ANO10: variants seen among roughly 807,000 people sequenced by gnomAD.
ANO10 encodes the protein anoctamin 10.
A neutral mutation model predicts 74.7 loss-of-function variants in ANO10; 77 were observed. That is an observed-to-expected ratio of 1.03 (90% CI 0.86 to 1.25). The LOEUF (loss-of-function observed/expected upper bound fraction) is 1.25. ANO10 is among the 50% of genes most tolerant of loss of function. The probability of loss-of-function intolerance (pLI) is 0.00; values close to 1 mark genes in which losing one functional copy is unlikely to be tolerated. For synonymous variants in ANO10, 279 were observed against 284.9 expected, an observed-to-expected ratio of 0.98 and a Z score of 0.21; for missense variants, 721 against 778.1, an observed-to-expected ratio of 0.93 and a Z score of 0.87.
chr3:43,608,788 C>T (rs1186634089), intron 1 of ANO10, among the ~76,000 whole-genome samples: 1 of 152,048 alleles, frequency 6.6e-6, no homozygotes, highest in Non-Finnish European at 1.5e-5. Context: ...CCTATGTTGT[C>T]CAGGCTGGTC....
chr3:43,688,155 CTTTTT>C (rs112966065), intron 1 of ANO10, among the ~76,000 whole-genome samples: 1 of 152,242 alleles, frequency 6.6e-6, no homozygotes, highest in East Asian at 1.9e-4. Flanking sequence ...CTCTTTCTCT[CTTTTT>C]TTCTTTCTTT....
chr3:43,653,928 T>G (rs750732693), intron 1 of ANO10, among the ~76,000 whole-genome samples: 11 of 15,428 alleles, frequency 7.1e-4, no homozygotes, highest in Non-Finnish European at 1.0e-3. Flanking sequence ...TTTGCTGGGG[T>G]TTTTTTTTTT....
At chr3:43,662,587 C>CA (rs1274347694) in intron 1 of ANO10, among the ~76,000 whole-genome samples, 1 of 151,032 alleles carries the variant, frequency 6.6e-6, no homozygotes, top group African/African-American at 2.4e-5. Context: ...GATAGAGACA[C>CA]AAAAAAATAA....
intron 10 of ANO10, among the ~76,000 whole-genome samples, chr3:43,552,929 G>A (rs2149319030): frequency 6.6e-6 from 1 of 152,070 alleles, no homozygotes; most frequent in Admixed American, 6.5e-5. Context: ...AAGTAGCTGG[G>A]ATTATGGGCA....
At chr3:43,628,527 G>A (rs2083514062) in intron 1 of ANO10, among the ~76,000 whole-genome samples, 1 of 152,136 alleles carries the variant, frequency 6.6e-6, no homozygotes, top group Admixed American at 6.6e-5. Flanking sequence ...AAAAGAACAG[G>A]ATAACAGCAA....
chr3:43,624,241 T>C (rs764769533), upstream of ANO10, among the ~76,000 whole-genome samples: 4 of 152,280 alleles, frequency 2.6e-5, no homozygotes, highest in South Asian at 2.1e-4. Context: ...TACTGAACCC[T>C]GTATATATTA....
Position 43,366,642 on chromosome 3 carries a change from T to C in ANO10, c.*264A>G, listed in dbSNP as rs1051530147. Reference sequence around the variant, plus strand: ...GGGCGGCAGTGGCTCTGCAGCAAAGTTGGCAGCTGGAGCAGCGTGTGGGGC... The same window carrying C: ...GGGCGGCAGTGGCTCTGCAGCAAAGCTGGCAGCTGGAGCAGCGTGTGGGGC... On this transcript the variant is annotated 3_prime_UTR_variant, in exon 13 of 13. Transcript: ENST00000292246. The C allele has an allele frequency of 9.2e-5, 51 of 551,506 alleles. No individual in the cohort carries two copies. The highest frequency in any genetic ancestry group is 3.4e-4 in the South Asian group (17 of 50,288). The allele number at this position is 551,506 out of a possible 1,614,324, so 34.2% of individuals were successfully genotyped here. A position where few individuals can be genotyped will look rare whatever the true frequency, so the allele number is the denominator to read the frequency against.
At chr3:43,528,145 C>T (rs1379628336) in intron 11 of ANO10, among the ~76,000 whole-genome samples, 1 of 151,882 alleles carries the variant, frequency 6.6e-6, no homozygotes, top group Non-Finnish European at 1.5e-5. Flanking sequence ...CCCAAAAACT[C>T]CTTATTCTTT....
At chr3:43,479,770 C>T (rs1339532059) in intron 11 of ANO10, among the ~76,000 whole-genome samples, 1 of 152,158 alleles carries the variant, frequency 6.6e-6, no homozygotes, top group Non-Finnish European at 1.5e-5. Context: ...CCTTGGAGAA[C>T]CCCAGGAGAT....
intron 1 of ANO10, among the ~76,000 whole-genome samples, chr3:43,664,978 G>A (rs540308993): frequency 5.9e-5 from 9 of 152,056 alleles, no homozygotes; most frequent in Non-Finnish European, 1.0e-4. Flanking sequence ...AATTCCTCAC[G>A]GATCTAAAAC....
At chr3:43,463,392 T>C (rs1288319022) in intron 11 of ANO10, among the ~76,000 whole-genome samples, 1 of 152,154 alleles carries the variant, frequency 6.6e-6, no homozygotes, top group Non-Finnish European at 1.5e-5. Context: ...CATTTATAAT[T>C]AAAGCTTAAA....
At chr3:43,575,802 T>C (rs2080966707) in intron 6 of ANO10, among the ~76,000 whole-genome samples, 1 of 152,060 alleles carries the variant, frequency 6.6e-6, no homozygotes. Context: ...CACGCCCAGC[T>C]AAATTTTTTT....
At chr3:43,556,388 G>A (rs1167386525) in intron 9 of ANO10, among the ~76,000 whole-genome samples, 1 of 152,134 alleles carries the variant, frequency 6.6e-6, no homozygotes, top group African/African-American at 2.4e-5. Context: ...GGCCTTCTTG[G>A]AGTTATTAGT....
chr3:43,518,367 C>T lies in ANO10; in HGVS notation c.1797+31353G>A, dbSNP rs114650348. Among the ~76,000 whole-genome samples the T allele has an allele frequency of 9.3e-3, 1,422 of 152,204 alleles. 9 individuals are homozygous for T. Among genetic ancestry groups the T allele is most frequent in the Middle Eastern group, 0.034 (10 of 294 alleles). On this transcript the variant is annotated intron_variant, in intron 11 of 12. Transcript: ENST00000292246. ...TTTAATCTCTTAATCCCATCATCTTCGTAAATTGAGGATGTATGTCGCCTC... is the reference window on the plus strand; with the variant it reads ...TTTAATCTCTTAATCCCATCATCTTTGTAAATTGAGGATGTATGTCGCCTC...
intron 1 of ANO10, among the ~76,000 whole-genome samples, chr3:43,672,166 C>T (rs1373073053): frequency 1.3e-5 from 2 of 152,180 alleles, no homozygotes; most frequent in African/African-American, 2.4e-5. Context: ...CTGGATGGCA[C>T]TTATGCATGT....
At chr3:43,486,409 T>C (rs1344760224) in intron 11 of ANO10, among the ~76,000 whole-genome samples, 1 of 151,644 alleles carries the variant, frequency 6.6e-6, no homozygotes, top group East Asian at 1.9e-4. Context: ...GTATGGCCAT[T>C]TTCACAATAT....
chr3:43,606,391 T>A (rs930858930), intron 1 of ANO10, among the ~76,000 whole-genome samples: 1 of 152,012 alleles, frequency 6.6e-6, no homozygotes, highest in East Asian at 1.9e-4. Flanking sequence ...CCAACTAGGG[T>A]CCCAGATTAC....
intron 11 of ANO10, among the ~76,000 whole-genome samples, chr3:43,522,068 C>T (rs181790749): frequency 1.5e-3 from 226 of 152,150 alleles, no homozygotes; most frequent in Middle Eastern, 6.8e-3. Context: ...GTATTATTTT[C>T]TTTACATGAA....
At chr3:43,561,091 G>C (rs76708931) in intron 9 of ANO10, 129 bp downstream of exon 9, 43 of 1,082,380 alleles carry the variant, frequency 4.0e-5, no homozygotes, top group Non-Finnish European at 8.5e-6. Flanking sequence ...TTCATGATGA[G>C]GAAACTGACT....
Sources: allele counts gnomAD v4.1 joint callset (sites outside exome capture counted in the v4.1 genomes callset), GRCh38; gene constraint gnomAD v4.1.1; transcripts MANE v1.5; gene names NCBI Gene and HGNC (gene_info 2026-07-23, HGNC 2026-07-21).